CNTN4: variants seen among roughly 807,000 people sequenced by gnomAD.
The protein encoded by CNTN4 is contactin-4.
In CNTN4, 77 loss-of-function variants were observed where a neutral mutation model predicts 122.5. The ratio of observed to expected loss-of-function variants is 0.63; its 90% confidence interval spans 0.52 to 0.76. CNTN4 has a LOEUF of 0.76. Ranked by LOEUF, CNTN4 falls within the 30% of genes least tolerant of loss-of-function variation. The probability of loss-of-function intolerance (pLI) is 0.00; values close to 1 mark genes in which losing one functional copy is unlikely to be tolerated. For synonymous variants in CNTN4, 512 were observed against 447.0 expected (o/e 1.15, Z -1.83); for missense variants, 1,256 against 1,259.1 (o/e 1.00, Z 0.04).
At chr3:2,403,303 C>G (rs1010831027) in intron 3 of CNTN4, among the ~76,000 whole-genome samples, 4 of 152,004 alleles carry the variant, frequency 2.6e-5, no homozygotes, top group African/African-American at 4.8e-5. Flanking sequence ...AGGTCACATC[C>G]TAAGGTACTG....
intron 2 of CNTN4, among the ~76,000 whole-genome samples, chr3:2,141,348 T>C (rs1173209441): frequency 6.6e-6 from 1 of 152,078 alleles, no homozygotes; most frequent in Non-Finnish European, 1.5e-5. Flanking sequence ...GCAGGAGTTG[T>C]GATTATGTGA....
At chr3:2,797,663 A>C (rs1376393278) in intron 6 of CNTN4, among the ~76,000 whole-genome samples, 1 of 152,226 alleles carries the variant, frequency 6.6e-6, no homozygotes, top group Admixed American at 6.5e-5. Flanking sequence ...AGATTAAACA[A>C]GTCCCTTTAC....
chr3:2,701,828 T>A (rs983876716), intron 4 of CNTN4, among the ~76,000 whole-genome samples: 1 of 152,166 alleles, frequency 6.6e-6, no homozygotes, highest in African/African-American at 2.4e-5. Flanking sequence ...TTTTTGCCAT[T>A]TAAAAGTAAT....
At position 2,252,956 on chromosome 3, in the gene CNTN4, G is replaced by C. The variant is rs182679648; in HGVS notation, c.-144-86222G>C. 2.6e-3 allele frequency among the ~76,000 whole-genome samples: 402 copies of C among 151,810 alleles called. 1 individual carries two copies. Among genetic ancestry groups the C allele is most frequent in the African/African-American group, 9.5e-3 (391 of 41,374 alleles). ...ATTTTTAATTTTTTTGTCTTTTAGG[G>C]ACTACTATATTCACAAAAGAATACC... On this transcript the variant is annotated intron_variant, in intron 2 of 24. Transcript: ENST00000418658.
intron 6 of CNTN4, among the ~76,000 whole-genome samples, chr3:2,810,601 C>A (rs1244056139): frequency 6.6e-6 from 1 of 152,160 alleles, no homozygotes; most frequent in Admixed American, 6.6e-5. Context: ...TTTCTCAGCG[C>A]TATTTTGCCT....
chr3:2,457,977 G>T (rs561314871), intron 3 of CNTN4, among the ~76,000 whole-genome samples: 155 of 152,106 alleles, frequency 1.0e-3, no homozygotes, highest in Non-Finnish European at 2.0e-3. Flanking sequence ...GTGTTGGAAA[G>T]ATTCCTGCTC....
chr3:2,195,158 G>A (rs566762044), intron 2 of CNTN4, among the ~76,000 whole-genome samples: 2 of 152,238 alleles, frequency 1.3e-5, no homozygotes, highest in Admixed American at 6.5e-5. Context: ...CCACGTGTAA[G>A]TGAGATCATA....
intron 3 of CNTN4, among the ~76,000 whole-genome samples, chr3:2,435,464 A>G (rs1199519600): frequency 6.6e-6 from 1 of 152,142 alleles, no homozygotes; most frequent in Non-Finnish European, 1.5e-5. Context: ...TACAGACACA[A>G]CCATCCAACT....
intron 2 of CNTN4, among the ~76,000 whole-genome samples, chr3:2,295,126 T>C (rs888781613): frequency 3.3e-5 from 5 of 149,434 alleles, no homozygotes; most frequent in African/African-American, 1.0e-4. Context: ...TGAATAGTGC[T>C]GCAATAAACA....
intron 4 of CNTN4, among the ~76,000 whole-genome samples, chr3:2,715,316 C>T (rs938330708): frequency 2.6e-5 from 4 of 152,062 alleles, no homozygotes; most frequent in African/African-American, 9.7e-5. Flanking sequence ...AGCCAGGAGC[C>T]TATTTTACAT....
intron 4 of CNTN4, among the ~76,000 whole-genome samples, chr3:2,674,267 G>GTT (rs1006446703): frequency 6.6e-6 from 1 of 150,454 alleles, no homozygotes; most frequent in Admixed American, 6.6e-5. Flanking sequence ...TCCTCATCAC[G>GTT]TTTTTTTTTA....
At chr3:3,054,010 CTGTCT>C (rs759451494) in intron 24 of CNTN4, 35 bp downstream of exon 24, 103 of 1,607,522 alleles carry the variant, frequency 6.4e-5, no homozygotes, top group Non-Finnish European at 8.4e-5. Context: ...TTTCTCCTGC[CTGTCT>C]TATCTTATCA....
At chr3:2,222,516 T>C (rs977359915) in intron 2 of CNTN4, among the ~76,000 whole-genome samples, 1 of 152,096 alleles carries the variant, frequency 6.6e-6, no homozygotes, top group African/African-American at 2.4e-5. Flanking sequence ...AACCATTGAA[T>C]CATATACTTT....
intron 13 of CNTN4, among the ~76,000 whole-genome samples, chr3:2,958,228 A>T (rs887729225): frequency 2.6e-5 from 4 of 152,218 alleles, no homozygotes; most frequent in Non-Finnish European, 5.9e-5. Context: ...TTATGAGGAA[A>T]GAAAGTGCCA....
chr3:2,103,901 T>C (rs919040116), intron 2 of CNTN4, among the ~76,000 whole-genome samples: 2 of 152,170 alleles, frequency 1.3e-5, no homozygotes, highest in Non-Finnish European at 2.9e-5. Context: ...GTTAGAGTTT[T>C]GGTTCCCAGT....
chr3:2,739,494 TA>T (rs2089331342), intron 5 of CNTN4, among the ~76,000 whole-genome samples: 1 of 150,954 alleles, frequency 6.6e-6, no homozygotes, highest in Non-Finnish European at 1.5e-5. Flanking sequence ...CTCAAGAACA[TA>T]ATTTTGAGTA....
At chr3:2,575,973 T>C (rs1441354932) in intron 4 of CNTN4, among the ~76,000 whole-genome samples, 1 of 152,008 alleles carries the variant, frequency 6.6e-6, no homozygotes, top group East Asian at 1.9e-4. Flanking sequence ...TAGCTGGGAC[T>C]ACAGGCACAT....
At chr3:2,729,361 G>A (rs957124459) in intron 4 of CNTN4, among the ~76,000 whole-genome samples, 8 of 150,222 alleles carry the variant, frequency 5.3e-5, no homozygotes, top group South Asian at 2.1e-4. Context: ...TCAGGAGATT[G>A]AGACCATCCC....
intron 3 of CNTN4, among the ~76,000 whole-genome samples, chr3:2,352,424 C>T (rs1008926090): frequency 6.6e-6 from 1 of 152,144 alleles, no homozygotes; most frequent in African/African-American, 2.4e-5. Context: ...CAGGGCTGCG[C>T]AGCGCTCGCA....
Sources: gnomAD v4.1 joint callset for allele counts (sites outside exome capture counted in the v4.1 genomes callset) on GRCh38, gnomAD v4.1.1 for gene constraint, MANE v1.5 for transcripts, NCBI Gene and HGNC (gene_info 2026-07-23, HGNC 2026-07-21) for gene names.